UBA2: variants seen among roughly 807,000 people sequenced by gnomAD.
The protein encoded by UBA2 is SUMO-activating enzyme subunit 2.
In UBA2, 11 loss-of-function variants were observed where a neutral mutation model predicts 77.2. That is an observed-to-expected ratio of 0.14 (90% CI 0.09 to 0.24). The LOEUF is 0.24. UBA2 is among the 10% of genes least tolerant of loss of function. The pLI, the probability that UBA2 is intolerant of heterozygous loss-of-function variation, is 1.00. For missense variants in UBA2, 487 were observed against 781.7 expected (o/e 0.62, Z 4.50); for synonymous variants, 278 against 276.7 (o/e 1.00, Z -0.05).
chr19:34,459,562 A>C (rs558123542), intron 13 of UBA2, among the ~76,000 whole-genome samples: 2 of 152,290 alleles, frequency 1.3e-5, no homozygotes, highest in Non-Finnish European at 1.5e-5. Flanking sequence ...TCTGGAGCTG[A>C]AGCGAGGGAA....
rs1171815710 is a variant in UBA2, at chr19:34,442,905, T to C, written c.582-939T>C. ...AGTGACTATCAGAGCTTTGAAATTA[T>C]AGTTGGGTGGGGGGTTGTACAAAGG... On this transcript the variant is annotated intron_variant, in intron 6 of 16. Coordinates refer to ENST00000246548, the MANE Select transcript of UBA2 (RefSeq NM_005499.3). Among the ~76,000 whole-genome samples, 3 of 152,200 alleles carry C rather than the reference T, an allele frequency of 2.0e-5. No homozygotes were observed. The South Asian group carries it at 6.2e-4, about 32-fold the overall frequency.
intron 8 of UBA2, among the ~76,000 whole-genome samples, chr19:34,448,568 C>A (rs1229286986): frequency 6.6e-6 from 1 of 152,156 alleles, no homozygotes; most frequent in Admixed American, 6.5e-5. Context: ...GCACTTCAGC[C>A]TGGGCAGGTC....
chr19:34,433,443 A>G (rs773848330), intron 4 of UBA2, 31 bp downstream of exon 4: 3 of 1,382,858 alleles, frequency 2.2e-6, no homozygotes, highest in Non-Finnish European at 3.1e-6. Flanking sequence ...TTAATTTCTC[A>G]GTATTTCCTC....
At chr19:34,453,682 A>G (rs932175656) in intron 10 of UBA2, among the ~76,000 whole-genome samples, 1 of 151,860 alleles carries the variant, frequency 6.6e-6, no homozygotes, top group Non-Finnish European at 1.5e-5. Flanking sequence ...GTGCGCCACC[A>G]TGCCTGGCTA....
Position 34,458,783 on chromosome 19 carries a change from A to G in UBA2, c.1260A>G (p.Lys420=), listed in dbSNP as rs1327072855. Residue 420 remains lysine, a synonymous_variant, in exon 13 of 17, where the codon AAA becomes AAG. Coordinates refer to ENST00000246548, the MANE Select transcript of UBA2 (RefSeq NM_005499.3). ...IDQCRTIFLN[K]QPNPRKKLLV... is the part of the protein sequence containing the mutation. Reference sequence around the variant, plus strand: ...CTCCTCCAAAGATTTTTTTGAATAAACAACCAAACCCAAGAAAGAAGCTTC... The same window carrying G: ...CTCCTCCAAAGATTTTTTTGAATAAGCAACCAAACCCAAGAAAGAAGCTTC... The G allele has an allele frequency of 7.5e-6, 12 of 1,606,460 alleles. No homozygotes were observed. Among genetic ancestry groups the G allele is most frequent in the Non-Finnish European group, 1.0e-5 (12 of 1,177,964 alleles).
At position 34,428,416 on chromosome 19, in the gene UBA2, C is replaced by G. The variant is rs781588563; in HGVS notation, c.-17C>G. 15 of 1,249,700 alleles carry G rather than the reference C, an allele frequency of 1.2e-5. No homozygotes were observed. Among genetic ancestry groups the G allele is most frequent in the Middle Eastern group, 5.4e-4 (2 of 3,718 alleles). 77.4% of individuals were successfully genotyped at this position (1,249,700 alleles called of 1,614,324 possible). A position where few individuals can be genotyped will look rare whatever the true frequency, so the allele number is the denominator to read the frequency against. ...TCTCCCGCCTCCGCCTCCGCCGCGG[C>G]TCGTGGTTGTCCCGCCATGGCACTG... On this transcript the variant is annotated 5_prime_UTR_variant, in exon 1 of 17. Coordinates refer to ENST00000246548, the MANE Select transcript of UBA2 (RefSeq NM_005499.3).
chr19:34,445,525 G>A (rs924379250), intron 8 of UBA2, among the ~76,000 whole-genome samples: 22 of 138,256 alleles, frequency 1.6e-4, no homozygotes, highest in African/African-American at 5.1e-4. Context: ...CTGCAGCCCC[G>A]CCTCCTGGGT....
rs935129882 is a variant in UBA2, at chr19:34,471,209, T to G, written c.*1988T>G. 1 of 152,170 alleles carries G rather than the reference T, an allele frequency of 6.6e-6. No individual in the cohort carries two copies. The highest frequency in any genetic ancestry group is 2.4e-5 in the African/African-American group (1 of 41,416). 9.4% of individuals were successfully genotyped at this position (152,170 alleles called of 1,614,324 possible). ...CATGTGCCCTTTGTGTTTCTGGCAA[T>G]AATTTATTTTATATTTCAACTAAAT... On this transcript the variant is annotated 3_prime_UTR_variant, in exon 17 of 17. Coordinates refer to ENST00000246548, the MANE Select transcript of UBA2 (RefSeq NM_005499.3).
chr19:34,434,483 T>G (rs1262935703), intron 4 of UBA2, among the ~76,000 whole-genome samples: 1 of 152,202 alleles, frequency 6.6e-6, no homozygotes, highest in Non-Finnish European at 1.5e-5. Context: ...AGTTCCAAGT[T>G]GATATTCCAC....
chr19:34,452,937 A>G (rs2075517940), intron 10 of UBA2, among the ~76,000 whole-genome samples: 1 of 152,218 alleles, frequency 6.6e-6, no homozygotes, highest in African/African-American at 2.4e-5. Flanking sequence ...TGATATTTAA[A>G]GGGTAACTTT....
At chr19:34,462,227 G>A (rs778610267) in intron 14 of UBA2, among the ~76,000 whole-genome samples, 10 of 152,154 alleles carry the variant, frequency 6.6e-5, no homozygotes, top group Non-Finnish European at 1.3e-4. Flanking sequence ...AGGGAGGAGG[G>A]GATTGAGGGA....
chr19:34,445,209 AT>A (rs1359420655), intron 8 of UBA2, 88 bp downstream of exon 8: 1 of 1,346,494 alleles, frequency 7.4e-7, no homozygotes, highest in Non-Finnish European at 1.0e-6. Flanking sequence ...AAAATAGTCC[AT>A]AAAATTGAAT....
chr19:34,432,041 A>T lies in UBA2; in HGVS notation c.293+110A>T, dbSNP rs2075262173. ...AAAAAATGATTTTTCTAGAATTATTAAACAGTGGTGGTTTCTGCTTACAGA... is the reference window on the plus strand; with the variant it reads ...AAAAAATGATTTTTCTAGAATTATTTAACAGTGGTGGTTTCTGCTTACAGA... On this transcript the variant is annotated intron_variant, in intron 3 of 16. Transcript: ENST00000246548. The T allele has an allele frequency of 3.7e-6, 3 of 801,428 alleles. No individual in the cohort carries two copies. The African/African-American group carries it at 5.3e-5, about 14-fold the overall frequency. 49.6% of individuals were successfully genotyped at this position (801,428 alleles called of 1,614,324 possible).
At chr19:34,461,783 C>T (rs2075633720) in intron 14 of UBA2, among the ~76,000 whole-genome samples, 1 of 151,664 alleles carries the variant, frequency 6.6e-6, no homozygotes, top group African/African-American at 2.4e-5. Flanking sequence ...GGGAGATTGT[C>T]AACAGCTGGA....
chr19:34,441,237 C>T (rs1215958270), intron 6 of UBA2, among the ~76,000 whole-genome samples: 2 of 152,072 alleles, frequency 1.3e-5, no homozygotes, highest in Non-Finnish European at 2.9e-5. Flanking sequence ...GAGCGGATCA[C>T]GAGGTCAGGA....
At chr19:34,436,879 T>C (rs890947722) in intron 5 of UBA2, among the ~76,000 whole-genome samples, 2 of 152,222 alleles carry the variant, frequency 1.3e-5, no homozygotes, top group Non-Finnish European at 2.9e-5. Flanking sequence ...GACTGTTGTG[T>C]ATGTCAGTGC....
At chr19:34,448,627 G>A (rs2075457696) in intron 8 of UBA2, among the ~76,000 whole-genome samples, 1 of 152,170 alleles carries the variant, frequency 6.6e-6, no homozygotes, top group South Asian at 2.1e-4. Context: ...GGAGGCAGAT[G>A]TGTGTAGAGG....
Position 34,428,407 on chromosome 19 carries a change from C to A in UBA2, c.-26C>A, listed in dbSNP as rs1599881139. 2 of 1,242,274 alleles carry A rather than the reference C, an allele frequency of 1.6e-6. No individual in the cohort carries two copies. Among genetic ancestry groups the A allele is most frequent in the East Asian group, 6.2e-5 (2 of 32,338 alleles). 77.0% of individuals were successfully genotyped at this position (1,242,274 alleles called of 1,614,324 possible). On this transcript the variant is annotated 5_prime_UTR_variant, in exon 1 of 17. Coordinates refer to ENST00000246548, the MANE Select transcript of UBA2 (RefSeq NM_005499.3). ...CGGCTCGGTTCTCCCGCCTCCGCCT[C>A]CGCCGCGGCTCGTGGTTGTCCCGCC...
chr19:34,431,449 T>G (rs2075254710), intron 2 of UBA2, among the ~76,000 whole-genome samples: 1 of 151,736 alleles, frequency 6.6e-6, no homozygotes. Flanking sequence ...TTTATCAGAG[T>G]CTGTAGTTGA....
Sources: gnomAD v4.1 joint callset for allele counts (sites outside exome capture counted in the v4.1 genomes callset) on GRCh38, gnomAD v4.1.1 for gene constraint, MANE v1.5 for transcripts, NCBI Gene and HGNC (gene_info 2026-07-23, HGNC 2026-07-21) for gene names.